The following SVOPL variants were observed in gnomAD, a reference collection of about 807,000 sequenced individuals.
SVOPL encodes putative transporter SVOPL.
In SVOPL, 60 loss-of-function variants were observed where a neutral mutation model predicts 61.0. That is an observed-to-expected ratio of 0.98 (90% confidence interval 0.80 to 1.22). The LOEUF (loss-of-function observed/expected upper bound fraction) is 1.22. Ranked by LOEUF, SVOPL falls within the 50% of genes most tolerant of loss-of-function variation. SVOPL has a pLI of 0.00. For synonymous variants in SVOPL, 279 were observed against 250.0 expected (o/e 1.12, Z -1.09); for missense variants, 662 against 643.9 (o/e 1.03, Z -0.30).
rs1428960980 is a variant in SVOPL at position 138,636,904 on chromosome 7, G to GT, written c.790-6783dup. 4.6e-5 allele frequency among the ~76,000 whole-genome samples: 7 copies of GT among 152,128 alleles called. No homozygotes were observed. The East Asian group carries it at 1.4e-3, about 29-fold the overall frequency. On this transcript the variant is annotated intron_variant, in intron 9 of 15. Transcript: ENST00000674285. ...TAGCTTGGAAAATTCTGAAAAAGAT[G>GT]TTTGACCAGGGGAATTTACCCTATC...
At chr7:138,686,401 G>A (rs1272940094) in intron 1 of SVOPL, among the ~76,000 whole-genome samples, 10 of 91,494 alleles carry the variant, frequency 1.1e-4, no homozygotes, top group Admixed American at 1.3e-4. Flanking sequence ...GTGAGACTCC[G>A]CCTCAAAAAA....
chr7:138,606,055 C>T (rs1798743163), intron 14 of SVOPL, among the ~76,000 whole-genome samples: 1 of 150,784 alleles, frequency 6.6e-6, no homozygotes, highest in African/African-American at 2.4e-5. Context: ...ATGTTTTGAG[C>T]ACCAGGTCAC....
intron 9 of SVOPL, among the ~76,000 whole-genome samples, chr7:138,638,469 G>A (rs1176824510): frequency 6.6e-6 from 1 of 151,948 alleles, no homozygotes; most frequent in African/African-American, 2.4e-5. Flanking sequence ...ACAAGATTTG[G>A]AAGACAATAA....
At chr7:138,599,159 C>CAAAAAAAAAAA (rs1336279820) in intron 14 of SVOPL, among the ~76,000 whole-genome samples, 1 of 82,732 alleles carries the variant, frequency 1.2e-5, no homozygotes, top group African/African-American at 6.5e-5. Flanking sequence ...AAAAAAAAAC[C>CAAAAAAAAAAA]AAAAAAAAAA....
At chr7:138,653,841 G>A (rs1165369434) in intron 7 of SVOPL, among the ~76,000 whole-genome samples, 3 of 151,512 alleles carry the variant, frequency 2.0e-5, no homozygotes, top group Non-Finnish European at 4.4e-5. Context: ...GCTGAGGCAG[G>A]AGAACCACTT....
chr7:138,648,002 T>G (rs1025752846), intron 8 of SVOPL, among the ~76,000 whole-genome samples: 2 of 152,058 alleles, frequency 1.3e-5, no homozygotes, highest in African/African-American at 2.4e-5. Flanking sequence ...TTCCATAGGG[T>G]AGGTGACATC....
chr7:138,671,929 A>G (rs1802429283), intron 4 of SVOPL, 90 bp downstream of exon 4: 1 of 1,176,460 alleles, frequency 8.5e-7, no homozygotes, highest in African/African-American at 1.5e-5. Flanking sequence ...CAGTGGTGAG[A>G]CACCCTTTGG....
intron 1 of SVOPL, among the ~76,000 whole-genome samples, chr7:138,683,101 T>C (rs528013344): frequency 6.6e-6 from 1 of 152,166 alleles, no homozygotes; most frequent in African/African-American, 2.4e-5. Flanking sequence ...TCATTAGGTG[T>C]GACAATGGTA....
At chr7:138,620,639 G>A (rs2116869613) in intron 14 of SVOPL, among the ~76,000 whole-genome samples, 1 of 151,852 alleles carries the variant, frequency 6.6e-6, no homozygotes, top group African/African-American at 2.4e-5. Flanking sequence ...CCACCTCCCT[G>A]CCCCTCAGCT....
Position 138,615,560 on chromosome 7 carries a change from C to CAAAAAAAAAA in SVOPL, c.1353+5476_1353+5485dup, listed in dbSNP as rs770404185. ...GGGTGACAGAGCGAGACTCCGTCTC[C>CAAAAAAAAAA]AAAAAAAAAAAAAAAAAAAAAAAAA... is the stretch of plus-strand genomic sequence containing the variant. On this transcript the variant is annotated intron_variant, in intron 14 of 15. Coordinates refer to ENST00000674285, the MANE Select transcript of SVOPL (RefSeq NM_001139456.2). 3.2e-3 allele frequency among the ~76,000 whole-genome samples: 18 copies of CAAAAAAAAAA among 5,542 alleles called. 3 individuals are homozygous for CAAAAAAAAAA. The highest frequency in any genetic ancestry group is 6.0e-3 in the African/African-American group (18 of 3,014). 3.6% of individuals were successfully genotyped at this position (5,542 alleles called of 152,430 possible).
chr7:138,661,162 T>A (rs2117077807), intron 5 of SVOPL: 1 of 985,414 alleles, frequency 1.0e-6, no homozygotes, highest in East Asian at 1.1e-4. Context: ...CATTTGTGTT[T>A]ATGCTCAGAG....
At chr7:138,621,456 T>C (rs1799560489) in intron 13 of SVOPL, among the ~76,000 whole-genome samples, 1 of 152,154 alleles carries the variant, frequency 6.6e-6, no homozygotes, top group African/African-American at 2.4e-5. Flanking sequence ...ACTATAAATA[T>C]ATAAAAGTGA....
chr7:138,608,536 C>T (rs1038661461), intron 14 of SVOPL, among the ~76,000 whole-genome samples: 16 of 152,284 alleles, frequency 1.1e-4, no homozygotes, highest in African/African-American at 2.4e-4. Context: ...TTGGACCTCA[C>T]GCCTCAACAG....
At chr7:138,656,797 C>T (rs1801759417) in intron 6 of SVOPL, among the ~76,000 whole-genome samples, 1 of 152,150 alleles carries the variant, frequency 6.6e-6, no homozygotes, top group African/African-American at 2.4e-5. Context: ...AATCTCTGCA[C>T]TTTGGGAGGC....
In SVOPL at chr7:138,628,319, G is replaced by C; in HGVS notation, c.908C>G (p.Ala303Gly). 1 of 1,614,188 alleles carries C rather than the reference G, an allele frequency of 6.2e-7. No individual in the cohort carries two copies. The highest frequency in any genetic ancestry group is 8.5e-7 in the Non-Finnish European group (1 of 1,180,046). ...FAYYGVILAS[A>G]ELLERDLVCG... ...GACCAAGTCCCGCTCCAGCAGCTCA[G>C]CACTGGCCAGGATAACCCCATAGTA... The change falls in exon 11 of 16, where the codon GCT becomes GGT. Residue 303 changes from alanine to glycine, a missense_variant. By Grantham distance (60) the Ala-to-Gly change is moderately conservative. Coordinates refer to ENST00000674285, the MANE Select transcript of SVOPL (RefSeq NM_001139456.2).
chr7:138,663,743 G>C lies in SVOPL; in HGVS notation c.274-598C>G, dbSNP rs111500015. Among the ~76,000 whole-genome samples, 249 of 152,260 alleles carry C rather than the reference G, an allele frequency of 1.6e-3. 1 individual carries two copies. Among genetic ancestry groups the C allele is most frequent in the African/African-American group, 5.5e-3 (230 of 41,562 alleles). Reference sequence around the variant, plus strand: ...TGGCCTGAGACCTCAGCTGCTGTCTGTGCCTCTGGGCTCCTTATTTTCCTG... The same window carrying C: ...TGGCCTGAGACCTCAGCTGCTGTCTCTGCCTCTGGGCTCCTTATTTTCCTG... On this transcript the variant is annotated intron_variant, in intron 4 of 15. Transcript: ENST00000674285.
chr7:138,698,859 C>T (rs190193793), intron 1 of SVOPL, among the ~76,000 whole-genome samples: 2 of 152,176 alleles, frequency 1.3e-5, no homozygotes, highest in East Asian at 1.9e-4. Context: ...AATGTTTTAA[C>T]GTATGTACAG....
At chr7:138,639,111 T>C (rs1800647617) in intron 9 of SVOPL, among the ~76,000 whole-genome samples, 2 of 151,578 alleles carry the variant, frequency 1.3e-5, no homozygotes, top group South Asian at 4.2e-4. Context: ...AAAAATTAAC[T>C]GGGCATGGTG....
chr7:138,690,783 T>C (rs1233428395), intron 1 of SVOPL, among the ~76,000 whole-genome samples: 1 of 151,806 alleles, frequency 6.6e-6, no homozygotes, highest in African/African-American at 2.4e-5. Flanking sequence ...TTTCTTTCTT[T>C]TTTTAATGGG....
Sources: gnomAD v4.1 joint callset for allele counts (sites outside exome capture counted in the v4.1 genomes callset) on GRCh38, gnomAD v4.1.1 for gene constraint, MANE v1.5 for transcripts, NCBI Gene and HGNC (gene_info 2026-07-23, HGNC 2026-07-21) for gene names.